The following ARNT2 variants were observed in gnomAD, a reference collection of about 807,000 sequenced individuals.
The protein encoded by ARNT2 is ARNT protein 2.
Under a neutral mutation model 91.7 loss-of-function variants are expected in ARNT2, and 36 were observed. That is an observed-to-expected ratio of 0.39 (90% CI 0.30 to 0.52). The LOEUF is 0.52. ARNT2 is among the 20% of genes least tolerant of loss of function. The pLI, the probability that ARNT2 is intolerant of heterozygous loss-of-function variation, is 0.72. For missense variants in ARNT2, 775 were observed against 939.3 expected (o/e 0.83, Z 2.29); for synonymous variants, 365 against 347.1 (o/e 1.05, Z -0.57).
intron 5 of ARNT2, among the ~76,000 whole-genome samples, chr15:80,489,551 G>A (rs1485777745): frequency 1.3e-5 from 2 of 152,180 alleles, no homozygotes; most frequent in Non-Finnish European, 2.9e-5. Flanking sequence ...ACAAGAGCTC[G>A]GCATCATGAG....
At chr15:80,553,539 A>G (rs1490915223) in intron 10 of ARNT2, among the ~76,000 whole-genome samples, 1 of 152,186 alleles carries the variant, frequency 6.6e-6, no homozygotes, top group East Asian at 1.9e-4. Flanking sequence ...CCACAACTCA[A>G]TTTCAAATGG....
chr15:80,426,018 G>C (rs901440259), intron 1 of ARNT2, among the ~76,000 whole-genome samples: 1 of 147,640 alleles, frequency 6.8e-6, no homozygotes, highest in African/African-American at 2.6e-5. Flanking sequence ...CTATGGTCTC[G>C]TCACTGCACT....
At chr15:80,438,418 A>G (rs556736900) in intron 1 of ARNT2, among the ~76,000 whole-genome samples, 1 of 152,326 alleles carries the variant, frequency 6.6e-6, no homozygotes, top group East Asian at 1.9e-4. Context: ...CTTGGCAACT[A>G]ATTTGTCCTT....
intron 8 of ARNT2, among the ~76,000 whole-genome samples, chr15:80,521,027 G>A (rs1430968463): frequency 6.6e-6 from 1 of 152,100 alleles, no homozygotes; most frequent in Non-Finnish European, 1.5e-5. Flanking sequence ...CTCAATTGCT[G>A]AAAATACAAA....
chr15:80,580,150 C>T, intron 15 of ARNT2: 1 of 471,596 alleles, frequency 2.1e-6, no homozygotes, highest in East Asian at 4.0e-5. Flanking sequence ...GCGTGGGAGA[C>T]CCTGGGGAGA....
Position 80,514,368 on chromosome 15 carries a change from C to T in ARNT2, c.840C>T (p.Val280=), listed in dbSNP as rs1897396151. ...VKEGEAQYAV[V]HCTGYIKAWP... ...AAGGAGAAGCCCAATATGCTGTGGT[C>T]CACTGTACAGGATACATCAAGGCCT... Residue 280 remains valine (V), a synonymous_variant, in exon 8 of 19, where the codon GTC becomes GTT. Coordinates refer to ENST00000303329, the MANE Select transcript of ARNT2 (RefSeq NM_014862.4). The T allele has an allele frequency of 6.2e-7, 1 of 1,614,076 alleles. No individual in the cohort carries two copies.
chr15:80,472,174 G>T (rs1206954667), intron 4 of ARNT2, among the ~76,000 whole-genome samples: 1 of 152,154 alleles, frequency 6.6e-6, no homozygotes, highest in African/African-American at 2.4e-5. Flanking sequence ...AAATGCAAAA[G>T]TATGTAGGGT....
chr15:80,451,392 G>T (rs1176760704), intron 2 of ARNT2, among the ~76,000 whole-genome samples: 1 of 152,262 alleles, frequency 6.6e-6, no homozygotes, highest in Non-Finnish European at 1.5e-5. Flanking sequence ...CTCCTTCAGA[G>T]ATGGTGTGCA....
chr15:80,567,694 G>A (rs546289125), intron 12 of ARNT2, among the ~76,000 whole-genome samples: 2 of 152,328 alleles, frequency 1.3e-5, no homozygotes, highest in East Asian at 1.9e-4. Flanking sequence ...GGTGGCCTAC[G>A]TAGTTCCTCC....
At chr15:80,570,812 G>A (rs1413600002) in intron 12 of ARNT2, among the ~76,000 whole-genome samples, 1 of 152,174 alleles carries the variant, frequency 6.6e-6, no homozygotes, top group East Asian at 1.9e-4. Context: ...GGATCTTGTG[G>A]GTTCTGAGCA....
intron 8 of ARNT2, among the ~76,000 whole-genome samples, chr15:80,546,413 A>C (rs1211011995): frequency 6.6e-6 from 1 of 152,256 alleles, no homozygotes; most frequent in South Asian, 2.1e-4. Flanking sequence ...CTAATGGAGC[A>C]GGCACATTGC....
At chr15:80,543,228 A>G (rs1197283594) in intron 8 of ARNT2, among the ~76,000 whole-genome samples, 1 of 152,142 alleles carries the variant, frequency 6.6e-6, no homozygotes, top group East Asian at 1.9e-4. Flanking sequence ...TTCAGGCCTC[A>G]GGTGGGGTGC....
At chr15:80,479,545 C>T (rs972766386) in intron 5 of ARNT2, among the ~76,000 whole-genome samples, 4 of 152,182 alleles carry the variant, frequency 2.6e-5, no homozygotes, top group Non-Finnish European at 5.9e-5. Context: ...GTGATCTTGG[C>T]AAGTTCCTTT....
At chr15:80,498,781 A>C (rs144174363) in intron 5 of ARNT2, among the ~76,000 whole-genome samples, 2,029 of 152,346 alleles carry the variant, frequency 0.013, 24 homozygotes, top group Non-Finnish European at 0.022. Context: ...TCTGATCCTG[A>C]AACAGCCACA....
At chr15:80,438,932 G>A (rs1444797266) in intron 1 of ARNT2, among the ~76,000 whole-genome samples, 1 of 152,082 alleles carries the variant, frequency 6.6e-6, no homozygotes, top group Non-Finnish European at 1.5e-5. Context: ...CTCGTGATCC[G>A]CCCATCTCGG....
In ARNT2 at chr15:80,475,003, T is replaced by A; in HGVS notation, c.409-7T>A. 2 of 1,613,920 alleles carry A rather than the reference T, an allele frequency of 1.2e-6. No homozygotes were observed. The highest frequency in any genetic ancestry group is 1.7e-6 in the Non-Finnish European group (2 of 1,180,002). On this transcript the variant is annotated splice_polypyrimidine_tract_variant and splice_region_variant and intron_variant, in intron 4 of 18. Coordinates refer to ENST00000303329, the MANE Select transcript of ARNT2 (RefSeq NM_014862.4). Reference sequence around the variant, plus strand: ...GTATTGTGCCAATCATAATCTTTTCTTTATAGGAACTGAAGCATCTCATCC... The same window carrying A: ...GTATTGTGCCAATCATAATCTTTTCATTATAGGAACTGAAGCATCTCATCC...
intron 8 of ARNT2, among the ~76,000 whole-genome samples, chr15:80,528,638 G>A (rs535636454): frequency 3.2e-4 from 48 of 152,192 alleles, no homozygotes; most frequent in Non-Finnish European, 6.3e-4. Context: ...CCTGGTGGTG[G>A]GGGATCTGTG....
At chr15:80,427,047 G>A (rs1049373034) in intron 1 of ARNT2, among the ~76,000 whole-genome samples, 2 of 152,144 alleles carry the variant, frequency 1.3e-5, no homozygotes, top group Non-Finnish European at 2.9e-5. Context: ...CTTTCACATT[G>A]GGGGTTAGGA....
At chr15:80,425,071 G>A (rs1345011340) in intron 1 of ARNT2, among the ~76,000 whole-genome samples, 1 of 152,168 alleles carries the variant, frequency 6.6e-6, no homozygotes, top group African/African-American at 2.4e-5. Flanking sequence ...TGGGATAATA[G>A]GCCATATCTG....
Sources: allele counts gnomAD v4.1 joint callset (sites outside exome capture counted in the v4.1 genomes callset), GRCh38; gene constraint gnomAD v4.1.1; transcripts MANE v1.5; gene names NCBI Gene and HGNC (gene_info 2026-07-23, HGNC 2026-07-21).